DOCK6: variants seen among roughly 807,000 people sequenced by gnomAD.
DOCK6 encodes the protein dedicator of cytokinesis 6.
Under a neutral mutation model 230.3 loss-of-function variants are expected in DOCK6, and 167 were observed. That is an observed-to-expected ratio of 0.73 (90% CI 0.64 to 0.82). The LOEUF is 0.82. DOCK6 is among the 40% of genes least tolerant of loss of function. The pLI is 0.00. For missense variants in DOCK6, 2,598 were observed against 2,825.8 expected, an observed-to-expected ratio of 0.92 and a Z score of 1.83; for synonymous variants, 1,148 against 1,185.0, an observed-to-expected ratio of 0.97 and a Z score of 0.64.
At position 11,202,127 on chromosome 19, in the gene DOCK6, T is replaced by C. The variant is rs748069737; in HGVS notation, c.5452-2A>G. On this transcript the variant is annotated splice_acceptor_variant, in intron 43 of 47. Transcript: ENST00000294618. LOFTEE classifies it high-confidence loss of function. The surrounding 1 kb of genome is among the most constrained non-coding windows in gnomAD (Gnocchi z 5.3). Reference sequence around the variant, plus strand: ...CACATACGTGATCTGGATGTAGGCCTGGGCGCAGGGTCAGGTGTGAGGATC... The same window carrying C: ...CACATACGTGATCTGGATGTAGGCCCGGGCGCAGGGTCAGGTGTGAGGATC... 4 of 1,613,814 alleles carry C rather than the reference T, an allele frequency of 2.5e-6. No individual in the cohort carries two copies. The highest frequency in any genetic ancestry group is 3.3e-5 in the Admixed American group (2 of 60,024).
At chr19:11,261,842 T>TCCCC (rs55855253) in intron 1 of DOCK6, among the ~76,000 whole-genome samples, 1 of 138,160 alleles carries the variant, frequency 7.2e-6, no homozygotes, top group African/African-American at 2.7e-5. Flanking sequence ...CTGTCCCCCT[T>TCCCC]CCCCCCCCCC....
rs1480168162 is a variant in DOCK6, at chr19:11,243,416, G to C, written c.1259-31C>G. Reference sequence around the variant, plus strand: ...GGAGGGAATGACAATGACAAAAGGGGGACCAAGATGAAACAGGGAGACTCA... The same window carrying C: ...GGAGGGAATGACAATGACAAAAGGGCGACCAAGATGAAACAGGGAGACTCA... On this transcript the variant is annotated intron_variant, in intron 11 of 47. Coordinates refer to ENST00000294618, the MANE Select transcript of DOCK6 (RefSeq NM_020812.4). The surrounding 1 kb of genome is among the most constrained non-coding windows in gnomAD (Gnocchi z 6.3). 2 of 1,593,372 alleles carry C rather than the reference G, an allele frequency of 1.3e-6. No homozygotes were observed. Among genetic ancestry groups the C allele is most frequent in the African/African-American group, 2.7e-5 (2 of 74,526 alleles).
At position 11,200,972 on chromosome 19, in the gene DOCK6, G is replaced by C. The variant is rs980036523; in HGVS notation, c.5769C>G (p.Asp1923Glu). The change falls in exon 45 of 48, where the codon GAC becomes GAG. Residue 1923 changes from aspartate (D) to glutamate (E), a missense_variant. Transcript: ENST00000294618. The surrounding 1 kb of genome is among the most constrained non-coding windows in gnomAD (Gnocchi z 4.3). ...TRELAFATEQ[D>E]PPDAKMLQMV... ...TCTGTAGCATCTTAGCATCTGGTGG[G>C]TCCTGCTCGGTGGCAAAGGCCAGCT... 2 of 1,613,872 alleles carry C rather than the reference G, an allele frequency of 1.2e-6. No homozygotes were observed. The highest frequency in any genetic ancestry group is 3.3e-5 in the Admixed American group (2 of 60,004).
Position 11,252,189 on chromosome 19 carries a change from T to C in DOCK6, c.437A>G (p.Gln146Arg). Residue 146 changes from glutamine to arginine, a missense_variant, in exon 5 of 48, where the codon CAG becomes CGG. By Grantham distance (43) the Gln-to-Arg change is conservative (BLOSUM62 1). Coordinates refer to ENST00000294618, the MANE Select transcript of DOCK6 (RefSeq NM_020812.4). Reference protein sequence around the residue: ...PVTTDTQRERQKGLPRQVFEQ... With the variant: ...PVTTDTQRERRKGLPRQVFEQ... ...AAAGACCTGGCGGGGGAGGCCCTTC[T>C]GTCGCTCCCGCTGTGTGTCTGTGGT... 1 of 1,582,596 alleles carries C rather than the reference T, an allele frequency of 6.3e-7. No individual in the cohort carries two copies. The highest frequency in any genetic ancestry group is 8.6e-7 in the Non-Finnish European group (1 of 1,164,404).
At chr19:11,199,615 T>C in intron 47 of DOCK6, 76 bp from the exon 48 acceptor site, 1 of 1,359,014 alleles carries the variant, frequency 7.4e-7, no homozygotes, top group South Asian at 1.3e-5. Context: ...CACATCCTCT[T>C]CCTCCTCCTC....
In DOCK6 at chr19:11,232,936, G is replaced by A. The variant is rs547732747; in HGVS notation, c.2718+267C>T. ...ATGAGGTGAATGTGTATATGCACCT[G>A]CTACACTAGGTACATATTGCTCTTT... On this transcript the variant is annotated intron_variant, in intron 22 of 47. Transcript: ENST00000294618. Among the ~76,000 whole-genome samples, 32 of 152,176 alleles carry A rather than the reference G, an allele frequency of 2.1e-4. 2 individuals carry two copies. In the South Asian group the frequency reaches 6.6e-3, roughly 32 times the overall value.
intron 23 of DOCK6, among the ~76,000 whole-genome samples, chr19:11,228,492 G>A (rs969246643): frequency 5.3e-5 from 8 of 151,486 alleles, no homozygotes; most frequent in African/African-American, 1.9e-4. Context: ...CACCTCCCTA[G>A]GTTGTGGGGG....
chr19:11,200,185 A>C lies in DOCK6; in HGVS notation c.6101+123T>G, dbSNP rs2079145032. 9.3e-7 allele frequency: 1 copy of C among 1,077,590 alleles called. No individual in the cohort carries two copies. The allele number at this position is 1,077,590 out of a possible 1,614,324, so 66.8% of individuals were successfully genotyped here. A position where few individuals can be genotyped will look rare whatever the true frequency, so the allele number is the denominator to read the frequency against. ...CAAAAAAAAAACCGGAAACAAAACA[A>C]AGTCCAAGCTACCAGCAAACATGTT... On this transcript the variant is annotated intron_variant, in intron 47 of 47. Coordinates refer to ENST00000294618, the MANE Select transcript of DOCK6 (RefSeq NM_020812.4). This position sits in a 1 kb window ranked among gnomAD's most constrained non-coding sequence, Gnocchi z 4.3.
chr19:11,201,618 G>A lies in DOCK6; in HGVS notation c.5688+271C>T. On this transcript the variant is annotated intron_variant, in intron 44 of 47. Transcript: ENST00000294618. This position sits in a 1 kb window ranked among gnomAD's most constrained non-coding sequence, Gnocchi z 4.3. Reference sequence around the variant, plus strand: ...TCCTCCCTGGGCCTTCCTAGATCTGGGCTCCCTCTGCCTCCTCTTTCTGGG... The same window carrying A: ...TCCTCCCTGGGCCTTCCTAGATCTGAGCTCCCTCTGCCTCCTCTTTCTGGG... 6.6e-6 allele frequency among the ~76,000 whole-genome samples: 1 copy of A among 151,814 alleles called. No individual in the cohort carries two copies. The highest frequency in any genetic ancestry group is 1.5e-5 in the Non-Finnish European group (1 of 67,896).
chr19:11,253,896 C>T (rs572794767), intron 1 of DOCK6, 170 bp from the exon 2 acceptor site: 18 of 536,224 alleles, frequency 3.4e-5, no homozygotes, highest in Non-Finnish European at 4.9e-5. Context: ...GTTCCCCCAA[C>T]GCGTTCCCCA....
rs56665433 is a variant in DOCK6, at chr19:11,235,877, A to ATTT, written c.2393-121_2393-119dup. ...TCATGTGCTCATTAAGGGGTCACAA[A>ATTT]TTTTTTTTTTTTTTTTTTTTTGAGA... On this transcript the variant is annotated intron_variant, in intron 20 of 47. Transcript: ENST00000294618. 1.1e-3 allele frequency: 943 copies of ATTT among 883,716 alleles called. 1 individual carries two copies. The highest frequency in any genetic ancestry group is 2.1e-3 in the South Asian group (75 of 35,596). 54.7% of individuals were successfully genotyped at this position (883,716 alleles called of 1,614,324 possible). A position where few individuals can be genotyped will look rare whatever the true frequency, so the allele number is the denominator to read the frequency against.
At chr19:11,253,754 G>A in intron 1 of DOCK6, 28 bp from the exon 2 acceptor site, 1 of 1,431,052 alleles carries the variant, frequency 7.0e-7, no homozygotes, top group Non-Finnish European at 9.2e-7. Context: ...GGGCCATTGG[G>A]GACGGGAAAA....
intron 31 of DOCK6, 149 bp from the exon 32 acceptor site, chr19:11,215,620 G>T: frequency 1.5e-6 from 2 of 1,296,706 alleles, no homozygotes; most frequent in Non-Finnish European, 2.2e-6. Flanking sequence ...GACGCACAGG[G>T]GCAAACACGA....
chr19:11,221,529 T>C (rs769083553), intron 28 of DOCK6: 8 of 287,072 alleles, frequency 2.8e-5, no homozygotes, highest in Admixed American at 9.2e-5. Context: ...TTCCCTACTT[T>C]TTGCTCTTCT....
intron 24 of DOCK6, among the ~76,000 whole-genome samples, chr19:11,224,147 T>C (rs2079624821): frequency 1.3e-5 from 2 of 151,924 alleles, no homozygotes; most frequent in African/African-American, 4.8e-5. Context: ...GCAAAAGTAA[T>C]TGCAGTTTTG....
At chr19:11,240,780 G>A (rs1034398994) in intron 14 of DOCK6, among the ~76,000 whole-genome samples, 2 of 151,690 alleles carry the variant, frequency 1.3e-5, no homozygotes, top group African/African-American at 4.8e-5. Context: ...ATGTTGGCCA[G>A]GCTGGTCTCG....
rs764908329 is a variant in DOCK6, at chr19:11,202,238, T to G, written c.5452-113A>C. 31 of 1,388,160 alleles carry G rather than the reference T, an allele frequency of 2.2e-5. No individual in the cohort carries two copies. Among genetic ancestry groups the G allele is most frequent in the Non-Finnish European group, 5.0e-6 (5 of 1,004,210 alleles). 86.0% of individuals were successfully genotyped at this position (1,388,160 alleles called of 1,614,324 possible). Reference sequence around the variant, plus strand: ...TGTCATTTCCAAGTCTTCCTATGTCTGGATGTTTGGGAATCCCCTGAGGAA... The same window carrying G: ...TGTCATTTCCAAGTCTTCCTATGTCGGGATGTTTGGGAATCCCCTGAGGAA... On this transcript the variant is annotated intron_variant, in intron 43 of 47. Transcript: ENST00000294618. The surrounding 1 kb of genome is among the most constrained non-coding windows in gnomAD (Gnocchi z 5.3).
At chr19:11,260,892 A>AAAAAAAAAAAAAAAAAAG (rs1423289379) in intron 1 of DOCK6, among the ~76,000 whole-genome samples, 3 of 148,492 alleles carry the variant, frequency 2.0e-5, no homozygotes, top group African/African-American at 5.1e-5. Flanking sequence ...CAAAAAAAAA[A>AAAAAAAAAAAAAAAAAAG]AAAGAAAGAA....
Position 11,217,312 on chromosome 19 carries a change from G to A in DOCK6, c.3630C>T (p.Ile1210=), listed in dbSNP as rs1257852799. The change falls in exon 29 of 48, where the codon ATC becomes ATT. Residue 1210 remains isoleucine, a synonymous_variant. Transcript: ENST00000294618. The part of the protein sequence containing the change: ...TEGEGDIAGT[I]NPSVAMAIAG... ...CAATGGCCATGGCCACAGAGGGGTT[G>A]ATGGTACCCGCAATGTCCCCTTCGC... is the stretch of plus-strand genomic sequence containing the variant. The A allele has an allele frequency of 1.2e-6, 2 of 1,613,338 alleles. No individual in the cohort carries two copies. The highest frequency in any genetic ancestry group is 1.7e-5 in the Admixed American group (1 of 59,962).
Sources: allele counts gnomAD v4.1 joint callset (sites outside exome capture counted in the v4.1 genomes callset), GRCh38; gene constraint gnomAD v4.1.1; non-coding constraint Gnocchi (gnomAD v3.1); transcripts MANE v1.5; gene names NCBI Gene and HGNC (gene_info 2026-07-23, HGNC 2026-07-21).